CSMD1: variants seen among roughly 807,000 people sequenced by gnomAD.
CSMD1 encodes the protein CUB and sushi domain-containing protein 1.
CSMD1 carries 213 observed loss-of-function variants against 417.5 expected under a neutral mutation model. The ratio of observed to expected loss-of-function variants is 0.51; its 90% CI spans 0.46 to 0.57. CSMD1 has a LOEUF of 0.57. CSMD1 is among the 20% of genes least tolerant of loss of function. The pLI is 0.00. For missense variants in CSMD1, 6,923 were observed against 4,529.7 expected, an observed-to-expected ratio of 1.53 and a Z score of -15.17; for synonymous variants, 2,862 against 1,736.8, an observed-to-expected ratio of 1.65 and a Z score of -16.11.
chr8:4,740,667 G>C (rs11786489), intron 1 of CSMD1, among the ~76,000 whole-genome samples: 29,076 of 152,224 alleles, frequency 0.19, 3,130 homozygotes, highest in Middle Eastern at 0.3. Context: ...TTTTCACTAA[G>C]AGGATGAGAA....
intron 2 of CSMD1, among the ~76,000 whole-genome samples, chr8:4,423,914 C>G (rs1307824121): frequency 1.3e-5 from 2 of 151,906 alleles, no homozygotes; most frequent in Admixed American, 6.6e-5. Flanking sequence ...AAAAATAAAC[C>G]TGAACAAATA....
intron 2 of CSMD1, among the ~76,000 whole-genome samples, chr8:4,461,071 T>TGTACCTCCTGGGCTCAA (rs1799787574): frequency 1.3e-5 from 2 of 152,088 alleles, no homozygotes; most frequent in African/African-American, 4.8e-5. Context: ...TGTGTCCAAG[T>TGTACCTCCTGGGCTCAA]GCTATTTATC....
At chr8:4,093,819 G>C (rs754007496) in intron 3 of CSMD1, among the ~76,000 whole-genome samples, 1 of 152,088 alleles carries the variant, frequency 6.6e-6, no homozygotes, top group Non-Finnish European at 1.5e-5. Context: ...AAAGTAGCTG[G>C]GTGTGGTGGT....
intron 2 of CSMD1, among the ~76,000 whole-genome samples, chr8:4,432,277 G>T (rs1020188273): frequency 2.0e-5 from 3 of 152,170 alleles, no homozygotes; most frequent in Non-Finnish European, 4.4e-5. Flanking sequence ...TTTTCCAGGT[G>T]TAGGTTTTTA....
At chr8:3,943,054 A>G (rs2129784163) in intron 5 of CSMD1, among the ~76,000 whole-genome samples, 1 of 152,286 alleles carries the variant, frequency 6.6e-6, no homozygotes, top group East Asian at 1.9e-4. Flanking sequence ...TTCAGAGAAG[A>G]TAAATGCAAT....
At chr8:4,502,284 G>C (rs1305683741) in intron 2 of CSMD1, among the ~76,000 whole-genome samples, 1 of 152,010 alleles carries the variant, frequency 6.6e-6, no homozygotes, top group Non-Finnish European at 1.5e-5. Context: ...TATCATTTTA[G>C]ATTCTCCGAG....
At chr8:4,495,680 T>C (rs1175558331) in intron 2 of CSMD1, among the ~76,000 whole-genome samples, 1 of 152,160 alleles carries the variant, frequency 6.6e-6, no homozygotes, top group Non-Finnish European at 1.5e-5. Context: ...TAAAATACTA[T>C]CAAATTATCT....
intron 7 of CSMD1, among the ~76,000 whole-genome samples, chr8:3,674,279 G>A (rs1000485474): frequency 6.6e-6 from 1 of 152,068 alleles, no homozygotes. Context: ...TTGCTTTATT[G>A]CAAATTAATA....
At chr8:3,991,440 G>A (rs913052536) in intron 5 of CSMD1, among the ~76,000 whole-genome samples, 25 of 152,124 alleles carry the variant, frequency 1.6e-4, no homozygotes, top group African/African-American at 5.1e-4. Context: ...GGTAACATCA[G>A]CTTGTCATTC....
intron 3 of CSMD1, among the ~76,000 whole-genome samples, chr8:4,081,683 G>C (rs1585273073): frequency 6.6e-6 from 1 of 152,148 alleles, no homozygotes; most frequent in Non-Finnish European, 1.5e-5. Context: ...TCTCAATGAA[G>C]TCCAAAACAT....
At chr8:4,567,601 A>G (rs912381046) in intron 2 of CSMD1, among the ~76,000 whole-genome samples, 6 of 152,166 alleles carry the variant, frequency 3.9e-5, no homozygotes, top group Non-Finnish European at 7.3e-5. Flanking sequence ...CCCCACAGAA[A>G]GAGTGCTCTG....
intron 3 of CSMD1, among the ~76,000 whole-genome samples, chr8:4,042,865 T>C (rs1445555898): frequency 3.0e-5 from 4 of 131,464 alleles, no homozygotes; most frequent in Non-Finnish European, 6.3e-5. Flanking sequence ...CGGTGGCTCA[T>C]GCCTATAATC....
At chr8:4,666,183 A>C (rs1398243786) in intron 1 of CSMD1, among the ~76,000 whole-genome samples, 1 of 152,136 alleles carries the variant, frequency 6.6e-6, no homozygotes, top group Non-Finnish European at 1.5e-5. Flanking sequence ...CCTCCCAAGG[A>C]TGTCTAAGTC....
intron 4 of CSMD1, among the ~76,000 whole-genome samples, chr8:4,024,800 G>A (rs568955977): frequency 6.6e-6 from 1 of 152,276 alleles, no homozygotes; most frequent in Non-Finnish European, 1.5e-5. Context: ...GCTTGTGACT[G>A]GGAACTTCCT....
chr8:4,706,479 G>A (rs947586447), intron 1 of CSMD1, among the ~76,000 whole-genome samples: 1 of 152,050 alleles, frequency 6.6e-6, no homozygotes, highest in Non-Finnish European at 1.5e-5. Context: ...AATACAAAAG[G>A]GGAAAGTAAA....
chr8:3,011,238 G>T (rs1808359860), intron 52 of CSMD1, among the ~76,000 whole-genome samples: 1 of 152,106 alleles, frequency 6.6e-6, no homozygotes, highest in African/African-American at 2.4e-5. Context: ...CACTGACAAT[G>T]CATTTGGAAA....
chr8:3,495,237 G>C (rs562044022), intron 10 of CSMD1, among the ~76,000 whole-genome samples: 2 of 152,100 alleles, frequency 1.3e-5, no homozygotes, highest in African/African-American at 4.8e-5. Context: ...ATTTATAAGT[G>C]ACCATCATCT....
intron 1 of CSMD1, among the ~76,000 whole-genome samples, chr8:4,923,286 T>C (rs1030285650): frequency 3.9e-5 from 6 of 152,168 alleles, no homozygotes; most frequent in Admixed American, 3.9e-4. Flanking sequence ...TCATGCCTCA[T>C]CCTCAAAGGC....
At chr8:3,375,309 A>G (rs766317633) in intron 18 of CSMD1, 15 of 152,092 alleles carry the variant, frequency 9.9e-5, no homozygotes, top group Admixed American at 2.0e-4. Context: ...TGTCTTATCA[A>G]TTGCCTAGCC....
Sources: allele counts gnomAD v4.1 joint callset (sites outside exome capture counted in the v4.1 genomes callset), GRCh38; gene constraint gnomAD v4.1.1; transcripts MANE v1.5; gene names NCBI Gene and HGNC (gene_info 2026-07-23, HGNC 2026-07-21).